OXSR1: variants seen among roughly 807,000 people sequenced by gnomAD.
The protein encoded by OXSR1 is serine/threonine-protein kinase OSR1.
A neutral mutation model predicts 79.8 loss-of-function variants in OXSR1; 24 were observed. That is an observed-to-expected ratio of 0.30 (90% confidence interval 0.22 to 0.42). The LOEUF (loss-of-function observed/expected upper bound fraction) is 0.42. OXSR1 is among the 10% of genes least tolerant of loss of function. OXSR1 has a pLI of 1.00. For missense variants in OXSR1, 430 were observed against 618.4 expected (o/e 0.70, Z 3.23); for synonymous variants, 226 against 209.2 (o/e 1.08, Z -0.69).
intron 4 of OXSR1, among the ~76,000 whole-genome samples, chr3:38,213,745 T>C (rs1702431482): frequency 6.6e-6 from 1 of 152,246 alleles, no homozygotes; most frequent in South Asian, 2.1e-4. Context: ...TTCTTCTTTT[T>C]ATGAATCCAC....
chr3:38,193,008 A>G lies in OXSR1; in HGVS notation c.292+2169A>G, dbSNP rs73062860. On this transcript the variant is annotated intron_variant, in intron 3 of 17. Transcript: ENST00000311806. Reference sequence around the variant, plus strand: ...ACTATAAACAACATAAGGCTTTAGAATTAAATTTCAGTTTTTCTACTTAGC... The same window carrying G: ...ACTATAAACAACATAAGGCTTTAGAGTTAAATTTCAGTTTTTCTACTTAGC... 6.9e-3 allele frequency among the ~76,000 whole-genome samples: 1,044 copies of G among 152,342 alleles called. 5 individuals are homozygous for G. Among genetic ancestry groups the G allele is most frequent in the Middle Eastern group, 0.027 (8 of 294 alleles).
intron 10 of OXSR1, among the ~76,000 whole-genome samples, chr3:38,232,137 C>T (rs1294686855): frequency 6.6e-6 from 1 of 151,756 alleles, no homozygotes; most frequent in Admixed American, 6.6e-5. Context: ...GAGCCTCAGA[C>T]CGGGGATATG....
intron 3 of OXSR1, among the ~76,000 whole-genome samples, chr3:38,195,820 A>C (rs1010037588): frequency 3.3e-5 from 5 of 152,242 alleles, no homozygotes; most frequent in Admixed American, 6.5e-5. Context: ...TCCATGCCAC[A>C]GGCTATGAAG....
At chr3:38,167,566 T>TTTTAC (rs3838626) in intron 1 of OXSR1, among the ~76,000 whole-genome samples, 20,803 of 152,136 alleles carry the variant, frequency 0.14, 1,792 homozygotes, top group Middle Eastern at 0.26. Flanking sequence ...TAATTTTTGT[T>TTTTAC]TTTACTTGCC....
rs149903927 is a variant in OXSR1 at position 38,250,847 on chromosome 3, T to A, written c.1376-556T>A. On this transcript the variant is annotated intron_variant, in intron 15 of 17. Coordinates refer to ENST00000311806, the MANE Select transcript of OXSR1 (RefSeq NM_005109.3). ...AGTCCTCCTGTTCCCTCTGAGGGGC[T>A]CATTTTCAAGCCCTTGGCAACCAAT... 4.6e-5 allele frequency among the ~76,000 whole-genome samples: 7 copies of A among 152,274 alleles called. No homozygotes were observed. In the East Asian group the frequency reaches 7.7e-4, roughly 17 times the overall value.
At chr3:38,234,039 A>G (rs1702868026) in intron 10 of OXSR1, among the ~76,000 whole-genome samples, 1 of 152,244 alleles carries the variant, frequency 6.6e-6, no homozygotes, top group Non-Finnish European at 1.5e-5. Flanking sequence ...GGTACAACTG[A>G]ATATTCACAT....
intron 11 of OXSR1, among the ~76,000 whole-genome samples, chr3:38,239,881 G>A (rs1019231977): frequency 6.6e-6 from 1 of 152,176 alleles, no homozygotes; most frequent in Admixed American, 6.5e-5. Context: ...AAGCTTTCAA[G>A]GCAGTATGTA....
chr3:38,200,158 G>A (rs1400332643), intron 4 of OXSR1, among the ~76,000 whole-genome samples: 4 of 152,184 alleles, frequency 2.6e-5, no homozygotes, highest in African/African-American at 9.7e-5. Flanking sequence ...TAGGCATGGT[G>A]GGCTCTCCTG....
At chr3:38,244,729 A>G (rs1166378271) in intron 12 of OXSR1, among the ~76,000 whole-genome samples, 1 of 150,612 alleles carries the variant, frequency 6.6e-6, no homozygotes, top group Non-Finnish European at 1.5e-5. Flanking sequence ...TCTACCTTTT[A>G]GCTGTGGTCA....
chr3:38,246,000 G>A (rs1166929814), intron 12 of OXSR1, 75 bp from the exon 13 acceptor site: 12 of 1,341,480 alleles, frequency 8.9e-6, no homozygotes, highest in Non-Finnish European at 1.2e-5. Context: ...CACCCTGAAA[G>A]GCTGAACTTG....
In OXSR1 at chr3:38,242,812, G is replaced by A. The variant is rs753460800; in HGVS notation, c.1110+34G>A. On this transcript the variant is annotated intron_variant, in intron 12 of 17. Coordinates refer to ENST00000311806, the MANE Select transcript of OXSR1 (RefSeq NM_005109.3). ...TTGTGATTATTGAATCCTTGTTAAAGTAAATGTGCTTTTGTTTTGGTTTCA... is the reference window on the plus strand; with the variant it reads ...TTGTGATTATTGAATCCTTGTTAAAATAAATGTGCTTTTGTTTTGGTTTCA... 35 of 1,327,516 alleles carry A rather than the reference G, an allele frequency of 2.6e-5. 1 individual carries two copies. The Middle Eastern group carries it at 5.5e-4, about 21-fold the overall frequency. 82.2% of individuals were successfully genotyped at this position (1,327,516 alleles called of 1,614,324 possible).
intron 4 of OXSR1, among the ~76,000 whole-genome samples, chr3:38,203,390 G>A (rs918832862): frequency 6.6e-6 from 1 of 152,064 alleles, no homozygotes; most frequent in Non-Finnish European, 1.5e-5. Context: ...GTGGTCCCCC[G>A]GGCCCAGCTG....
At chr3:38,203,384 T>TC (rs1575332572) in intron 4 of OXSR1, among the ~76,000 whole-genome samples, 1 of 152,084 alleles carries the variant, frequency 6.6e-6, no homozygotes, top group Non-Finnish European at 1.5e-5. Flanking sequence ...ATGGTAGTGG[T>TC]CCCCCGGGCC....
intron 11 of OXSR1, among the ~76,000 whole-genome samples, chr3:38,237,293 T>C (rs1317068781): frequency 6.6e-6 from 1 of 152,150 alleles, no homozygotes; most frequent in East Asian, 1.9e-4. Context: ...AATGGAAGCT[T>C]TTCCCCTGAA....
chr3:38,228,493 G>A (rs1484892536), intron 8 of OXSR1, among the ~76,000 whole-genome samples: 1 of 152,086 alleles, frequency 6.6e-6, no homozygotes, highest in East Asian at 1.9e-4. Context: ...AATTACCTGG[G>A]GAGTTTTAAA....
At chr3:38,199,745 A>G (rs184531115) in intron 4 of OXSR1, among the ~76,000 whole-genome samples, 5 of 152,088 alleles carry the variant, frequency 3.3e-5, no homozygotes, top group African/African-American at 1.2e-4. Context: ...CTCCCATTCA[A>G]TCCTTGATCA....
intron 1 of OXSR1, among the ~76,000 whole-genome samples, chr3:38,179,150 G>T (rs1006018845): frequency 2.0e-5 from 3 of 149,198 alleles, no homozygotes; most frequent in Non-Finnish European, 4.4e-5. Context: ...CCTACCTCAC[G>T]CTCCCTAGTA....
intron 1 of OXSR1, among the ~76,000 whole-genome samples, chr3:38,167,276 A>G (rs1198660212): frequency 6.6e-6 from 1 of 152,256 alleles, no homozygotes; most frequent in Non-Finnish European, 1.5e-5. Context: ...TAATTCTCAC[A>G]GAAGCCTAGG....
intron 1 of OXSR1, among the ~76,000 whole-genome samples, chr3:38,171,474 G>A (rs934767522): frequency 6.6e-6 from 1 of 152,072 alleles, no homozygotes; most frequent in Non-Finnish European, 1.5e-5. Context: ...ATCAAAACAC[G>A]TACATTTATT....
Sources: allele counts gnomAD v4.1 joint callset (sites outside exome capture counted in the v4.1 genomes callset), GRCh38; gene constraint gnomAD v4.1.1; transcripts MANE v1.5; gene names NCBI Gene and HGNC (gene_info 2026-07-23, HGNC 2026-07-21).